The following RTN1 variants were observed in gnomAD, a reference collection of about 807,000 sequenced individuals.
The protein encoded by RTN1 is reticulon-1.
In RTN1, 25 loss-of-function variants were observed where a neutral mutation model predicts 65.5. The ratio of observed to expected loss-of-function variants is 0.38; its 90% CI spans 0.28 to 0.53. The LOEUF is 0.53. RTN1 is among the 20% of genes least tolerant of loss of function. RTN1 has a pLI of 0.79. For synonymous variants in RTN1, 471 were observed against 447.6 expected (o/e 1.05, Z -0.66); for missense variants, 983 against 1,025.4 (o/e 0.96, Z 0.57).
Position 59,727,345 on chromosome 14 carries a change from G to A in RTN1, c.1339C>T (p.Pro447Ser). The change falls in exon 3 of 9, where the codon CCA becomes TCA. Residue 447 changes from proline to serine, a missense_variant. By Grantham distance (74) the Pro-to-Ser change is moderately conservative. Around this residue, in one of 2 missense-constraint regions of RTN1, gnomAD observed 818 missense variants for 801.8 expected, o/e 1.02. Transcript: ENST00000267484. This position sits in a 1 kb window ranked among gnomAD's most constrained non-coding sequence, Gnocchi z 4.2. ...VGGPPPSPAS[P>S]SIQYSILREE... ...CTCAGGATGCTGTACTGGATGGATG[G>A]CGAGGCGGGCGAGGGCGGCGGGCCG... 1.3e-6 allele frequency: 2 copies of A among 1,501,278 alleles called. No homozygotes were observed. The highest frequency in any genetic ancestry group is 2.6e-5 in the South Asian group (2 of 76,204). The allele number at this position is 1,501,278 out of a possible 1,614,324, so 93.0% of individuals were successfully genotyped here. A position where few individuals can be genotyped will look rare whatever the true frequency, so the allele number is the denominator to read the frequency against.
chr14:59,770,616 ATTGT>A (rs1885938176), intron 1 of RTN1, among the ~76,000 whole-genome samples: 1 of 152,112 alleles, frequency 6.6e-6, no homozygotes, highest in African/African-American at 2.4e-5. Flanking sequence ...GTATTTTTGC[ATTGT>A]TTATTTTCAA....
chr14:59,717,422 T>C (rs1884559831), intron 3 of RTN1, among the ~76,000 whole-genome samples: 1 of 152,142 alleles, frequency 6.6e-6, no homozygotes, highest in African/African-American at 2.4e-5. Flanking sequence ...TTACTCTTGA[T>C]TGTGAGTGGA....
chr14:59,749,754 T>A (rs1566712682), intron 1 of RTN1, among the ~76,000 whole-genome samples: 1 of 109,986 alleles, frequency 9.1e-6, no homozygotes, highest in Non-Finnish European at 1.6e-5. Flanking sequence ...TCTATATGTA[T>A]ATTTATATAT....
intron 3 of RTN1, among the ~76,000 whole-genome samples, chr14:59,611,210 G>C (rs1398982243): frequency 6.6e-6 from 1 of 152,152 alleles, no homozygotes; most frequent in East Asian, 1.9e-4. Context: ...ACAAATTTGG[G>C]GGCTCATCCA....
chr14:59,752,531 C>G (rs1284261465), intron 1 of RTN1, among the ~76,000 whole-genome samples: 6 of 152,084 alleles, frequency 3.9e-5, no homozygotes, highest in Non-Finnish European at 8.8e-5. Context: ...CAACACTGAC[C>G]AATGCCTGCA....
At chr14:59,820,237 GTTTT>G (rs1005162933) in intron 1 of RTN1, among the ~76,000 whole-genome samples, 1 of 141,252 alleles carries the variant, frequency 7.1e-6, no homozygotes, top group East Asian at 2.1e-4. Context: ...TTTTAATGGG[GTTTT>G]TTTTTTTGCT....
Position 59,603,931 on chromosome 14 carries a change from G to A in RTN1, c.2113-10C>T, listed in dbSNP as rs371431707. On this transcript the variant is annotated splice_polypyrimidine_tract_variant and intron_variant, in intron 5 of 8. Transcript: ENST00000267484. ...ACATCAGGACTGCAAACTGAAGAAC[G>A]AAAGCATTATTAGAGCTCCTAAAAC... The A allele has an allele frequency of 9.7e-5, 156 of 1,608,880 alleles. No homozygotes were observed. The African/African-American group carries it at 1.8e-3, about 19-fold the overall frequency.
intron 3 of RTN1, among the ~76,000 whole-genome samples, chr14:59,686,485 A>G (rs893878094): frequency 6.6e-5 from 10 of 152,358 alleles, no homozygotes; most frequent in Admixed American, 2.6e-4. Context: ...ATGTTAAAGC[A>G]TGTCTCAGCC....
rs548482230 is a variant in RTN1, at chr14:59,697,643, C to T, written c.1765+29276G>A. On this transcript the variant is annotated intron_variant, in intron 3 of 8. Coordinates refer to ENST00000267484, the MANE Select transcript of RTN1 (RefSeq NM_021136.3). ...ATTTAATGGAGACAAAATGCAAGGC[C>T]TAGTACTTCCACCCAAAGTGCCAAC... 3.3e-5 allele frequency among the ~76,000 whole-genome samples: 5 copies of T among 152,206 alleles called. No individual in the cohort carries two copies. The South Asian group carries it at 1.0e-3, about 32-fold the overall frequency.
In RTN1 at chr14:59,667,001, C is replaced by T. The variant is rs563227963; in HGVS notation, c.1766-59509G>A. ...AAAAAAAAAAAAGCCCAGGACCATA[C>T]GGATTCACAGCTGAATTCTACCAGA... On this transcript the variant is annotated intron_variant, in intron 3 of 8. Transcript: ENST00000267484. Among the ~76,000 whole-genome samples the T allele has an allele frequency of 2.6e-3, 362 of 139,346 alleles. 1 individual carries two copies. The highest frequency in any genetic ancestry group is 8.9e-3 in the African/African-American group (329 of 37,136). 91.4% of individuals were successfully genotyped at this position (139,346 alleles called of 152,430 possible).
At chr14:59,755,324 TA>T (rs1482050511) in intron 1 of RTN1, among the ~76,000 whole-genome samples, 1 of 152,160 alleles carries the variant, frequency 6.6e-6, no homozygotes, top group African/African-American at 2.4e-5. Context: ...TTAACAGGTA[TA>T]GGGGACATTA....
intron 3 of RTN1, among the ~76,000 whole-genome samples, chr14:59,686,698 T>TG (rs1883853229): frequency 6.6e-6 from 1 of 152,168 alleles, no homozygotes; most frequent in African/African-American, 2.4e-5. Context: ...GCCTCCTCTG[T>TG]GACTCACCTT....
chr14:59,755,745 T>A (rs895240313), intron 1 of RTN1, among the ~76,000 whole-genome samples: 1 of 152,206 alleles, frequency 6.6e-6, no homozygotes, highest in African/African-American at 2.4e-5. Flanking sequence ...ACATGACAAA[T>A]GGGTACTGAG....
chr14:59,667,034 A>G (rs1883394122), intron 3 of RTN1, among the ~76,000 whole-genome samples: 2 of 151,768 alleles, frequency 1.3e-5, no homozygotes, highest in Admixed American at 6.6e-5. Flanking sequence ...AGAGGTACAA[A>G]GAGGAGCTGG....
At chr14:59,750,111 T>TGG (rs1566713121) in intron 1 of RTN1, among the ~76,000 whole-genome samples, 1 of 65,234 alleles carries the variant, frequency 1.5e-5, no homozygotes, top group East Asian at 4.0e-4. Context: ...TTATATATTA[T>TGG]ATATAATATA....
chr14:59,848,601 A>G (rs531616618), intron 1 of RTN1, among the ~76,000 whole-genome samples: 1 of 152,376 alleles, frequency 6.6e-6, no homozygotes, highest in South Asian at 2.1e-4. Context: ...CATACATAAA[A>G]GATCCAAATC....
chr14:59,848,943 G>C (rs933835613), intron 1 of RTN1, among the ~76,000 whole-genome samples: 2 of 139,534 alleles, frequency 1.4e-5, no homozygotes, highest in Non-Finnish European at 3.2e-5. Flanking sequence ...TATTTCAATA[G>C]TCCCCACCCC....
At chr14:59,806,568 A>G (rs1459612852) in intron 1 of RTN1, among the ~76,000 whole-genome samples, 2 of 152,144 alleles carry the variant, frequency 1.3e-5, no homozygotes, top group Non-Finnish European at 2.9e-5. Context: ...TCATGCAGGT[A>G]TTAAACCTAG....
intron 1 of RTN1, among the ~76,000 whole-genome samples, chr14:59,749,328 CTA>C (rs1180061621): frequency 1.0e-4 from 2 of 19,798 alleles, no homozygotes; most frequent in East Asian, 1.4e-3. Flanking sequence ...ATCTATATAT[CTA>C]TATATATCTA....
Sources: gnomAD v4.1 joint callset for allele counts (sites outside exome capture counted in the v4.1 genomes callset) on GRCh38, gnomAD v4.1.1 for gene constraint, gnomAD v4.1.1 regional missense constraint, Gnocchi (gnomAD v3.1) non-coding constraint, MANE v1.5 for transcripts, NCBI Gene and HGNC (gene_info 2026-07-23, HGNC 2026-07-21) for gene names.